Variants in KYAT3 observed in about 807,000 individuals in gnomAD.
KYAT3 encodes kynurenine--oxoglutarate transaminase 3.
Under a neutral mutation model 59.0 loss-of-function variants are expected in KYAT3, and 50 were observed. The observed-to-expected ratio is 0.85, with a 90% CI of 0.68 to 1.07. The LOEUF is 1.07. KYAT3 is among the 50% of genes least tolerant of loss of function. The pLI is 0.00. For missense variants in KYAT3, 497 were observed against 533.3 expected (o/e 0.93, Z 0.67); for synonymous variants, 148 against 177.0 (o/e 0.84, Z 1.30).
In KYAT3 at chr1:88,961,441, A is replaced by T. The variant is rs143845439; in HGVS notation, c.606T>A (p.Ser202Arg). 1 of 1,613,628 alleles carries T rather than the reference A, an allele frequency of 6.2e-7. No homozygotes were observed. The highest frequency in any genetic ancestry group is 8.5e-7 in the Non-Finnish European group (1 of 1,179,730). The change falls in exon 7 of 14, where the codon AGT becomes AGA. Residue 202 changes from serine (S) to arginine (R), a missense_variant. Ser to Arg is a moderately radical substitution (Grantham distance 110). Transcript: ENST00000260508. ...DWTLDPQELE[S>R]KFNSKTKAII... ...TAGCTTTGGTTTTGGAATTAAATTTACTTTCCAGTTCTTGAGGATCTAATG... is the reference window on the plus strand; with the variant it reads ...TAGCTTTGGTTTTGGAATTAAATTTTCTTTCCAGTTCTTGAGGATCTAATG...
chr1:88,974,824 T>C (rs1676708399), intron 2 of KYAT3, among the ~76,000 whole-genome samples: 2 of 152,154 alleles, frequency 1.3e-5, no homozygotes, highest in Non-Finnish European at 2.9e-5. Flanking sequence ...TAAAGGATTG[T>C]AAACACACCA....
At chr1:88,951,949 A>G (rs1407468672) in intron 10 of KYAT3, among the ~76,000 whole-genome samples, 2 of 152,168 alleles carry the variant, frequency 1.3e-5, no homozygotes, top group Admixed American at 6.5e-5. Flanking sequence ...AAAGGTGCTT[A>G]TAAGGGAAAA....
At chr1:88,925,227 C>T in the KYAT3 span, among the ~76,000 whole-genome samples, 10 of 152,198 alleles carry the variant, frequency 6.6e-5, no homozygotes, top group Non-Finnish European at 8.8e-5. Flanking sequence ...GCTGTCATCC[C>T]GAACTCCTGA....
intron 1 of KYAT3, among the ~76,000 whole-genome samples, chr1:88,992,224 C>G (rs931297102): frequency 1.8e-4 from 28 of 152,298 alleles, no homozygotes; most frequent in Admixed American, 3.9e-4. Context: ...GTGATCCGCC[C>G]GCCTCGGCCT....
At chr1:88,980,986 A>C (rs984897975) in intron 2 of KYAT3, 7 of 152,218 alleles carry the variant, frequency 4.6e-5, no homozygotes, top group Non-Finnish European at 8.8e-5. Flanking sequence ...ACAACAAAAA[A>C]AATTAGAAGT....
rs1677883185 is a variant in KYAT3 at position 88,992,616 on chromosome 1, C to T, written c.-33G>A. The T allele has an allele frequency of 6.5e-6, 1 of 153,002 alleles. No homozygotes were observed. The highest frequency in any genetic ancestry group is 1.5e-5 in the Non-Finnish European group (1 of 68,648). 9.5% of individuals were successfully genotyped at this position (153,002 alleles called of 1,614,324 possible). On this transcript the variant is annotated 5_prime_UTR_variant, in exon 1 of 14. Transcript: ENST00000260508. ...GGTGCGGGAACCTCGCCTCCCTAGGCTCGAGTCCCGACTGGGCTTGAGGGC... is the reference window on the plus strand; with the variant it reads ...GGTGCGGGAACCTCGCCTCCCTAGGTTCGAGTCCCGACTGGGCTTGAGGGC...
At chr1:88,943,873 C>T (rs975478886) in intron 11 of KYAT3, among the ~76,000 whole-genome samples, 3 of 152,170 alleles carry the variant, frequency 2.0e-5, no homozygotes, top group East Asian at 1.9e-4. Context: ...GGTAACCTAT[C>T]GTATTCCCAA....
chr1:88,963,266 A>G (rs904743121), intron 5 of KYAT3, among the ~76,000 whole-genome samples: 1 of 152,204 alleles, frequency 6.6e-6, no homozygotes, highest in Admixed American at 6.5e-5. Flanking sequence ...GCTAAGCCTT[A>G]TAATACTCCC....
At chr1:88,962,730 C>T (rs1351587754) in intron 5 of KYAT3, among the ~76,000 whole-genome samples, 2 of 152,166 alleles carry the variant, frequency 1.3e-5, no homozygotes, top group Non-Finnish European at 1.5e-5. Context: ...AACTCCTAAC[C>T]TCAGGTGATC....
intron 2 of KYAT3, among the ~76,000 whole-genome samples, chr1:88,985,846 G>A (rs1306559325): frequency 6.6e-6 from 1 of 152,164 alleles, no homozygotes; most frequent in Non-Finnish European, 1.5e-5. Context: ...AGAGATATTG[G>A]GTATGGACTA....
chr1:88,948,747 G>A (rs1285775894), intron 11 of KYAT3, among the ~76,000 whole-genome samples: 4 of 152,094 alleles, frequency 2.6e-5, no homozygotes, highest in African/African-American at 7.2e-5. Flanking sequence ...ATTTTGTTAA[G>A]TAAAAAGGAA....
At chr1:88,977,469 T>A (rs1676836657) in intron 2 of KYAT3, among the ~76,000 whole-genome samples, 1 of 152,202 alleles carries the variant, frequency 6.6e-6, no homozygotes, top group South Asian at 2.1e-4. Context: ...CCCAAAGTGC[T>A]GGGATTATAG....
the KYAT3 span, among the ~76,000 whole-genome samples, chr1:88,921,512 C>T: frequency 2.0e-5 from 3 of 152,126 alleles, no homozygotes; most frequent in Non-Finnish European, 4.4e-5. Context: ...TCATTGCTTA[C>T]AGTGTGAAGT....
downstream of KYAT3, among the ~76,000 whole-genome samples, chr1:88,930,863 A>G (rs973556691): frequency 2.0e-5 from 3 of 152,288 alleles, no homozygotes; most frequent in African/African-American, 7.2e-5. Context: ...TCAGAAAGGA[A>G]AGGAAAGGGA....
intron 10 of KYAT3, among the ~76,000 whole-genome samples, chr1:88,950,510 T>C (rs1175949621): frequency 6.6e-6 from 1 of 151,594 alleles, no homozygotes; most frequent in Non-Finnish European, 1.5e-5. Context: ...TTTTTTTTTT[T>C]CTCTTGGCAA....
intron 1 of KYAT3, among the ~76,000 whole-genome samples, chr1:88,989,580 AG>A (rs1405834887): frequency 3.9e-5 from 6 of 152,202 alleles, no homozygotes; most frequent in African/African-American, 1.4e-4. Context: ...AAAATGGAAG[AG>A]AAAGGAAGAC....
chr1:88,923,775 C>A, the KYAT3 span: 1 of 290,602 alleles, frequency 3.4e-6, no homozygotes, highest in South Asian at 3.3e-5. Flanking sequence ...CAGAAAATCC[C>A]TCAACTAAGA....
rs549692621 is a variant in KYAT3 at position 88,982,414 on chromosome 1, G to A, written c.99+5838C>T. 209 of 909,496 alleles carry A rather than the reference G, an allele frequency of 2.3e-4. 4 individuals carry two copies. In the South Asian group the frequency reaches 4.1e-3, roughly 18 times the overall value. The allele number at this position is 909,496 out of a possible 1,614,324, so 56.3% of individuals were successfully genotyped here. ...GAAAGTTACAACACTAGTACTACAA[G>A]GCTTAACACATTTAACATTTGCTTG... On this transcript the variant is annotated intron_variant, in intron 2 of 13. Transcript: ENST00000260508.
chr1:88,968,421 T>C (rs1180155036), intron 4 of KYAT3, among the ~76,000 whole-genome samples: 1 of 152,124 alleles, frequency 6.6e-6, no homozygotes, highest in African/African-American at 2.4e-5. Context: ...CGTGTTGCCA[T>C]AGGATCCTAT....
Sources: gnomAD v4.1 joint callset for allele counts (sites outside exome capture counted in the v4.1 genomes callset) on GRCh38, gnomAD v4.1.1 for gene constraint, MANE v1.5 for transcripts, NCBI Gene and HGNC (gene_info 2026-07-23, HGNC 2026-07-21) for gene names.